Variants in CDK12 observed in about 807,000 individuals in gnomAD.
CDK12 encodes the protein cyclin dependent kinase 12, also known as cyclin-dependent kinase 12.
In CDK12, 17 loss-of-function variants were observed where a neutral mutation model predicts 133.8. The observed-to-expected ratio is 0.13, with a 90% CI of 0.09 to 0.19. The LOEUF is 0.19. Ranked by LOEUF, CDK12 falls within the 10% of genes least tolerant of loss-of-function variation. The pLI is 1.00. For synonymous variants in CDK12, 694 were observed against 683.6 expected, an observed-to-expected ratio of 1.02 and a Z score of -0.24; for missense variants, 1,508 against 1,818.7, an observed-to-expected ratio of 0.83 and a Z score of 3.11.
chr17:39,465,949 G>A (rs2049274359), intron 1 of CDK12, among the ~76,000 whole-genome samples: 1 of 152,142 alleles, frequency 6.6e-6, no homozygotes, highest in Non-Finnish European at 1.5e-5. Context: ...TCAGTAAGAA[G>A]TGCTTCTTTC....
upstream of CDK12, among the ~76,000 whole-genome samples, chr17:39,546,996 C>G (rs1012650748): frequency 2.0e-5 from 3 of 152,068 alleles, no homozygotes; most frequent in South Asian, 2.1e-4. Flanking sequence ...TGGGAATGGA[C>G]CAGTAAACAG....
At chr17:39,495,843 A>G (rs957305400) in intron 5 of CDK12, among the ~76,000 whole-genome samples, 2 of 151,690 alleles carry the variant, frequency 1.3e-5, no homozygotes, top group Admixed American at 6.6e-5. Context: ...CTTCCTCCCA[A>G]TATACTACCA....
At chr17:39,467,064 C>T (rs540355118) in intron 1 of CDK12, among the ~76,000 whole-genome samples, 29 of 152,090 alleles carry the variant, frequency 1.9e-4, no homozygotes, top group African/African-American at 7.0e-4. Flanking sequence ...CTGCAACCTC[C>T]GCCTCCCAGG....
chr17:39,472,421 C>T (rs2049861633), intron 2 of CDK12, among the ~76,000 whole-genome samples: 1 of 152,056 alleles, frequency 6.6e-6, no homozygotes, highest in Non-Finnish European at 1.5e-5. Context: ...TGCCTGTAAT[C>T]CCAGCACTTT....
intron 1 of CDK12, among the ~76,000 whole-genome samples, chr17:39,541,941 G>C (rs10852933): frequency 6.6e-6 from 1 of 151,986 alleles, no homozygotes; most frequent in South Asian, 2.1e-4. Flanking sequence ...CCACGCAGTC[G>C]CACAGCGAGT....
intron 2 of CDK12, among the ~76,000 whole-genome samples, chr17:39,483,092 T>C (rs2050850510): frequency 6.6e-6 from 1 of 151,916 alleles, no homozygotes; most frequent in Non-Finnish European, 1.5e-5. Context: ...TTTGTATTTT[T>C]CGTAGAGACG....
In CDK12 at chr17:39,532,102, T is replaced by TTCTCTCTCTCTCTCTCTC. The variant is rs71843922; in HGVS notation, c.*810_*827dup. The TTCTCTCTCTCTCTCTCTC allele has an allele frequency of 1.2e-4, 26 of 218,624 alleles. No homozygotes were observed. Among genetic ancestry groups the TTCTCTCTCTCTCTCTCTC allele is most frequent in the African/African-American group, 5.5e-4 (21 of 38,520 alleles). The allele number at this position is 218,624 out of a possible 1,614,324, so 13.5% of individuals were successfully genotyped here. A position where few individuals can be genotyped will look rare whatever the true frequency, so the allele number is the denominator to read the frequency against. ...GCTGATGTGTGCTCTCTCTCTCTCT[T>TTCTCTCTCTCTCTCTCTC]TCTCTCTCTCTCTCTCTCTCTCTCT... On this transcript the variant is annotated 3_prime_UTR_variant, in exon 14 of 14. Coordinates refer to ENST00000447079, the MANE Select transcript of CDK12 (RefSeq NM_016507.4).
intron 7 of CDK12, 35 bp from the exon 8 acceptor site, chr17:39,511,494 G>A: frequency 7.5e-7 from 1 of 1,335,360 alleles, no homozygotes; most frequent in Non-Finnish European, 1.1e-6. Flanking sequence ...AGAAGCCACT[G>A]TAAGTTTATG....
intron 3 of CDK12, among the ~76,000 whole-genome samples, chr17:39,492,152 A>G (rs2051671376): frequency 6.9e-6 from 1 of 144,806 alleles, no homozygotes; most frequent in Non-Finnish European, 1.5e-5. Flanking sequence ...GCTGGAGTGC[A>G]ATGGCGTGAC....
At position 39,531,658 on chromosome 17, in the gene CDK12, T is replaced by C. The variant is rs2054853391; in HGVS notation, c.*342T>C. 3.8e-6 allele frequency: 1 copy of C among 265,854 alleles called. No homozygotes were observed. The highest frequency in any genetic ancestry group is 5.3e-5 in the Admixed American group (1 of 18,714). 16.5% of individuals were successfully genotyped at this position (265,854 alleles called of 1,614,324 possible). On this transcript the variant is annotated 3_prime_UTR_variant, in exon 14 of 14. Coordinates refer to ENST00000447079, the MANE Select transcript of CDK12 (RefSeq NM_016507.4). Reference sequence around the variant, plus strand: ...TGATCGGAAGAGAGAAAGAACAGTTTCAGTATTGAGATGGCTCAGGAGAGG... The same window carrying C: ...TGATCGGAAGAGAGAAAGAACAGTTCCAGTATTGAGATGGCTCAGGAGAGG...
At chr17:39,463,644 C>T (rs1398236766) in intron 1 of CDK12, among the ~76,000 whole-genome samples, 1 of 151,876 alleles carries the variant, frequency 6.6e-6, no homozygotes, top group Non-Finnish European at 1.5e-5. Context: ...AGATTCCTGT[C>T]TTTTAACTGA....
downstream of CDK12, among the ~76,000 whole-genome samples, chr17:39,539,370 G>T (rs1445547497): frequency 2.0e-5 from 3 of 151,994 alleles, no homozygotes; most frequent in Non-Finnish European, 4.4e-5. Context: ...TTGTTTTTTT[G>T]TTTTGTTTTG....
At chr17:39,512,005 A>G (rs543819103) in intron 8 of CDK12, among the ~76,000 whole-genome samples, 4 of 152,204 alleles carry the variant, frequency 2.6e-5, no homozygotes, top group East Asian at 1.9e-4. Flanking sequence ...CACTTGTCCT[A>G]TCCAGCCTTT....
upstream of CDK12, chr17:39,549,158 C>G (rs2055848091): frequency 6.6e-6 from 1 of 152,312 alleles, no homozygotes; most frequent in East Asian, 1.9e-4. Context: ...CAGCTCCTCT[C>G]CCAACAGCTT....
intron 3 of CDK12, among the ~76,000 whole-genome samples, chr17:39,491,333 T>G (rs2051583200): frequency 6.6e-6 from 1 of 152,092 alleles, no homozygotes; most frequent in African/African-American, 2.4e-5. Flanking sequence ...GGCTTCCTGG[T>G]TCAAGCAACT....
chr17:39,462,127 G>A lies in CDK12; in HGVS notation c.56G>A (p.Gly19Glu), dbSNP rs1293588243. The A allele has an allele frequency of 6.2e-7, 1 of 1,614,174 alleles. No individual in the cohort carries two copies. Among genetic ancestry groups the A allele is most frequent in the Non-Finnish European group, 8.5e-7 (1 of 1,180,012 alleles). ...AAGGACGGGAGTGGAGGAGCTTCTGGAACTTTGCAGCCGTCATCGGGAGGC... is the reference window on the plus strand; with the variant it reads ...AAGGACGGGAGTGGAGGAGCTTCTGAAACTTTGCAGCCGTCATCGGGAGGC... ...GKKDGSGGAS[G>E]TLQPSSGGGS... Residue 19 changes from glycine (G) to glutamate (E), a missense_variant, in exon 1 of 14, where the codon GGA (glycine) becomes GAA (glutamate). Physicochemically the swap from Gly to Glu is moderately conservative, Grantham distance 98. This residue lies in a region of CDK12 where 460 missense variants were observed against 490.8 expected (regional missense o/e 0.94). Coordinates refer to ENST00000447079, the MANE Select transcript of CDK12 (RefSeq NM_016507.4).
downstream of CDK12, among the ~76,000 whole-genome samples, chr17:39,536,858 A>G (rs2055155537): frequency 6.6e-6 from 1 of 152,174 alleles, no homozygotes. Context: ...TCAATTTGCA[A>G]CCTTCAGCTA....
rs2054393811 is a variant in CDK12 at position 39,524,776 on chromosome 17, T to A, written c.3198T>A (p.Ser1066=). ...VVEEPPPSKT[S]RKETTSGTST... is the part of the protein sequence containing the mutation. ...AAGAGCCACCTCCATCCAAAACTTC[T>A]CGAAAAGAAACTACCTCAGGGACAA... The change falls in exon 12 of 14, where the codon TCT becomes TCA. Residue 1066 remains serine (S), a synonymous_variant. Transcript: ENST00000447079. 6 of 1,614,170 alleles carry A rather than the reference T, an allele frequency of 3.7e-6. No individual in the cohort carries two copies. The highest frequency in any genetic ancestry group is 5.1e-6 in the Non-Finnish European group (6 of 1,180,048).
chr17:39,544,625 C>CTTT (rs71147355), upstream of CDK12, among the ~76,000 whole-genome samples: 10 of 60,894 alleles, frequency 1.6e-4, no homozygotes, highest in African/African-American at 2.5e-4. Context: ...AACAGGCGAT[C>CTTT]TTTTTTTTTT....
Sources: allele counts gnomAD v4.1 joint callset (sites outside exome capture counted in the v4.1 genomes callset), GRCh38; gene constraint gnomAD v4.1.1; regional missense constraint gnomAD v4.1.1; transcripts MANE v1.5; gene names NCBI Gene and HGNC (gene_info 2026-07-23, HGNC 2026-07-21).